Variants in WWP2 observed in about 807,000 individuals in gnomAD.
WWP2 encodes the protein NEDD4-like E3 ubiquitin-protein ligase WWP2.
A neutral mutation model predicts 121.0 loss-of-function variants in WWP2; 57 were observed. The ratio of observed to expected loss-of-function variants is 0.47; its 90% CI spans 0.38 to 0.59. WWP2 has a LOEUF of 0.59. Among genes scored for constraint, WWP2 ranks in the 20% least tolerant of loss-of-function variants. The probability of loss-of-function intolerance (pLI) is 0.00; values close to 1 mark genes in which losing one functional copy is unlikely to be tolerated. For missense variants in WWP2, 962 were observed against 1,158.9 expected (o/e 0.83, Z 2.47); for synonymous variants, 449 against 441.3 (o/e 1.02, Z -0.22).
At chr16:69,853,146 G>A (rs972838984) in intron 6 of WWP2, among the ~76,000 whole-genome samples, 16 of 152,200 alleles carry the variant, frequency 1.1e-4, no homozygotes, top group Non-Finnish European at 1.8e-4. Context: ...GGATGAATTC[G>A]GAGCTATATC....
At position 69,925,466 on chromosome 16, in the gene WWP2, C is replaced by G. The variant is rs1237418760; in HGVS notation, c.1216C>G (p.Pro406Ala). ...SASTDHDPLG[P>A]LPPGWEKRQD... is the part of the protein sequence containing the mutation. ...TTCGACTGACCATGATCCCCTGGGC[C>G]CCCTCCCTCCTGGCTGGGGTAAGTA... Residue 406 changes from proline (P) to alanine (A), a missense_variant, in exon 11 of 24, where the codon CCC becomes GCC. This residue lies in a region of WWP2 where 606 missense variants were observed against 772.6 expected (regional missense o/e 0.78). Transcript: ENST00000359154. This position sits in a 1 kb window ranked among gnomAD's most constrained non-coding sequence, Gnocchi z 4.0. The G allele has an allele frequency of 6.2e-7, 1 of 1,614,018 alleles. No homozygotes were observed. Among genetic ancestry groups the G allele is most frequent in the South Asian group, 1.1e-5 (1 of 91,058 alleles).
In WWP2 at chr16:69,908,306, C is replaced by T. The variant is rs538855191; in HGVS notation, c.915-455C>T. ...TAACAGGTTGGGTAGACGAAAAAGC[C>T]TGGAGGGCCTATAGATGATCTTGTG... On this transcript the variant is annotated intron_variant, in intron 8 of 23. Coordinates refer to ENST00000359154, the MANE Select transcript of WWP2 (RefSeq NM_001270454.2). Among the ~76,000 whole-genome samples the T allele has an allele frequency of 1.6e-4, 25 of 152,202 alleles. 1 individual carries two copies. The South Asian group carries it at 5.2e-3, about 32-fold the overall frequency.
chr16:69,932,914 G>A (rs950086005), intron 16 of WWP2, among the ~76,000 whole-genome samples: 8 of 152,220 alleles, frequency 5.3e-5, no homozygotes, highest in African/African-American at 1.7e-4. Context: ...ACCTCTCCCG[G>A]TGTGGGCATG....
In WWP2 at chr16:69,830,193, G is replaced by A. The variant is rs961409539; in HGVS notation, c.341-9933G>A. Among the ~76,000 whole-genome samples, 14 of 152,136 alleles carry A rather than the reference G, an allele frequency of 9.2e-5. No individual in the cohort carries two copies. The East Asian group carries it at 9.6e-4, about 10-fold the overall frequency. ...GGGTCTTGAACTCCAGCGCTCAGGC[G>A]ATCTCTCTGCCTTGGCCTCCCAAAG... is the stretch of plus-strand genomic sequence containing the variant. On this transcript the variant is annotated intron_variant, in intron 4 of 23. Coordinates refer to ENST00000359154, the MANE Select transcript of WWP2 (RefSeq NM_001270454.2).
intron 8 of WWP2, among the ~76,000 whole-genome samples, chr16:69,893,587 G>GT (rs1372647449): frequency 1.3e-5 from 2 of 150,484 alleles, no homozygotes; most frequent in Non-Finnish European, 1.5e-5. Context: ...TTTTGTTTTT[G>GT]TTTTTTTGAG....
In WWP2 at chr16:69,940,274, C is replaced by T. The variant is rs2058863169; in HGVS notation, c.*334C>T. ...GTGTGCAAGGGAAGGTGTTGCATCC[C>T]CAGGGGCTGCCGCAGAGGCCGGAGA... On this transcript the variant is annotated 3_prime_UTR_variant, in exon 24 of 24. Transcript: ENST00000359154. 1 of 279,624 alleles carries T rather than the reference C, an allele frequency of 3.6e-6. No homozygotes were observed. Among genetic ancestry groups the T allele is most frequent in the Admixed American group, 4.8e-5 (1 of 21,028 alleles). 17.3% of individuals were successfully genotyped at this position (279,624 alleles called of 1,614,324 possible). A position where few individuals can be genotyped will look rare whatever the true frequency, so the allele number is the denominator to read the frequency against.
At chr16:69,856,809 A>C (rs1211472973) in intron 6 of WWP2, among the ~76,000 whole-genome samples, 1 of 151,918 alleles carries the variant, frequency 6.6e-6, no homozygotes, top group Non-Finnish European at 1.5e-5. Context: ...CAACAACAAC[A>C]ACAAAACCCG....
chr16:69,939,140 CCTCTGG>C lies in WWP2; in HGVS notation c.2440+19_2440+24del. ...AACTCATCGGTATGTTTTCTCTCGC[CCTCTGG>C]CGTCCTGGCTGGCAGTGCGGACAGC... On this transcript the variant is annotated intron_variant, in intron 22 of 23. Transcript: ENST00000359154. 1 of 1,585,366 alleles carries C rather than the reference CCTCTGG, an allele frequency of 6.3e-7. No homozygotes were observed. Among genetic ancestry groups the C allele is most frequent in the Non-Finnish European group, 8.6e-7 (1 of 1,164,538 alleles).
intron 1 of WWP2, among the ~76,000 whole-genome samples, chr16:69,781,366 A>G (rs1170248344): frequency 6.6e-6 from 1 of 152,014 alleles, no homozygotes; most frequent in Non-Finnish European, 1.5e-5. Context: ...TTGTTTTTCA[A>G]ACAGGGTCTC....
intron 4 of WWP2, among the ~76,000 whole-genome samples, chr16:69,814,413 C>T (rs2056450983): frequency 6.6e-6 from 1 of 150,440 alleles, no homozygotes; most frequent in Non-Finnish European, 1.5e-5. Context: ...TCCTAACCTT[C>T]CTCCACTCTC....
At chr16:69,821,654 T>G (rs759936464) in intron 4 of WWP2, among the ~76,000 whole-genome samples, 3 of 152,166 alleles carry the variant, frequency 2.0e-5, no homozygotes, top group Non-Finnish European at 4.4e-5. Flanking sequence ...ACAGGTATAT[T>G]GTGACTGTTT....
intron 4 of WWP2, among the ~76,000 whole-genome samples, chr16:69,836,910 G>T (rs1184339196): frequency 6.6e-6 from 1 of 152,074 alleles, no homozygotes; most frequent in African/African-American, 2.4e-5. Context: ...ACAGGCATGA[G>T]CCACCATGCC....
Position 69,885,138 on chromosome 16 carries a change from CACAT to C in WWP2, c.704-2900_704-2897del, listed in dbSNP as rs973723444. 3.3e-5 allele frequency among the ~76,000 whole-genome samples: 5 copies of C among 149,860 alleles called. 1 individual carries two copies. Among genetic ancestry groups the C allele is most frequent in the African/African-American group, 1.2e-4 (5 of 40,636 alleles). On this transcript the variant is annotated intron_variant, in intron 7 of 23. Transcript: ENST00000359154. ...ACACACACACACACACACACACACA[CACAT>C]TCTTCTTCTTTAGAATGTTCATGGC...
chr16:69,931,038 T>C, intron 13 of WWP2, 114 bp from the exon 14 acceptor site: 1 of 976,012 alleles, frequency 1.0e-6, no homozygotes, highest in South Asian at 1.5e-5. Context: ...TTCCTCACCT[T>C]ACATTACTAA....
chr16:69,855,370 A>G (rs991975422), intron 6 of WWP2, among the ~76,000 whole-genome samples: 3 of 152,114 alleles, frequency 2.0e-5, no homozygotes, highest in East Asian at 3.9e-4. Flanking sequence ...TTCTGCTGCA[A>G]TGACAGTCAC....
Position 69,940,118 on chromosome 16 carries a change from C to G in WWP2, c.*178C>G. 1.7e-6 allele frequency: 1 copy of G among 601,288 alleles called. No homozygotes were observed. Among genetic ancestry groups the G allele is most frequent in the South Asian group, 2.1e-5 (1 of 48,066 alleles). 37.2% of individuals were successfully genotyped at this position (601,288 alleles called of 1,614,324 possible). A position where few individuals can be genotyped will look rare whatever the true frequency, so the allele number is the denominator to read the frequency against. ...ATCCCAGGAGGCCCTGCAGTTCCCC[C>G]GACCCGCGGATGGCAGTCTGGAATA... is the stretch of plus-strand genomic sequence containing the variant. On this transcript the variant is annotated 3_prime_UTR_variant, in exon 24 of 24. Transcript: ENST00000359154.
At chr16:69,796,060 G>A (rs2056035527) in intron 2 of WWP2, among the ~76,000 whole-genome samples, 1 of 151,508 alleles carries the variant, frequency 6.6e-6, no homozygotes, top group Non-Finnish European at 1.5e-5. Context: ...AGGACAATTG[G>A]CAAAATACGA....
chr16:69,824,696 T>G (rs1479387579), intron 4 of WWP2, among the ~76,000 whole-genome samples: 1 of 151,890 alleles, frequency 6.6e-6, no homozygotes, highest in Non-Finnish European at 1.5e-5. Flanking sequence ...TTGAAAAGAT[T>G]CATAGATTAC....
chr16:69,940,713 C>T lies in WWP2; in HGVS notation c.*773C>T, dbSNP rs900829554. 1.3e-5 allele frequency: 2 copies of T among 152,346 alleles called. No individual in the cohort carries two copies. The highest frequency in any genetic ancestry group is 1.5e-5 in the Non-Finnish European group (1 of 68,042). 9.4% of individuals were successfully genotyped at this position (152,346 alleles called of 1,614,324 possible). A position where few individuals can be genotyped will look rare whatever the true frequency, so the allele number is the denominator to read the frequency against. On this transcript the variant is annotated 3_prime_UTR_variant, in exon 24 of 24. Coordinates refer to ENST00000359154, the MANE Select transcript of WWP2 (RefSeq NM_001270454.2). Reference sequence around the variant, plus strand: ...AGCTGGCACCCCAGGTGTTCTGAGACCTTGAGGGACCCAGACCTTTGGGTC... The same window carrying T: ...AGCTGGCACCCCAGGTGTTCTGAGATCTTGAGGGACCCAGACCTTTGGGTC...
Sources: allele counts gnomAD v4.1 joint callset (sites outside exome capture counted in the v4.1 genomes callset), GRCh38; gene constraint gnomAD v4.1.1; regional missense constraint gnomAD v4.1.1; non-coding constraint Gnocchi (gnomAD v3.1); transcripts MANE v1.5; gene names NCBI Gene and HGNC (gene_info 2026-07-23, HGNC 2026-07-21).